The following TTC33 variants were observed in gnomAD, a reference collection of about 807,000 sequenced individuals.
TTC33 encodes tetratricopeptide repeat domain 33, also known as tetratricopeptide repeat protein 33.
A neutral mutation model predicts 29.4 loss-of-function variants in TTC33; 24 were observed. The observed-to-expected ratio is 0.82, with a 90% CI of 0.59 to 1.15. The LOEUF (loss-of-function observed/expected upper bound fraction) is 1.15, where lower values mean the gene tolerates loss of function less well. Among genes scored for constraint, TTC33 ranks in the 50% most tolerant of loss-of-function variants. TTC33 has a pLI of 0.00. For synonymous variants in TTC33, 107 were observed against 100.3 expected, an observed-to-expected ratio of 1.07 and a Z score of -0.40; for missense variants, 286 against 310.4, an observed-to-expected ratio of 0.92 and a Z score of 0.59.
chr5:40,729,648 C>T (rs536628696), intron 3 of TTC33, among the ~76,000 whole-genome samples: 76 of 152,136 alleles, frequency 5.0e-4, no homozygotes, highest in African/African-American at 1.7e-3. Flanking sequence ...ACAAGGAAAG[C>T]GTATGTTTTT....
At position 40,741,998 on chromosome 5, in the gene TTC33, G is replaced by A. The variant is rs1435159756; in HGVS notation, c.221+4800C>T. Among the ~76,000 whole-genome samples, 6 of 151,458 alleles carry A rather than the reference G, an allele frequency of 4.0e-5. No homozygotes were observed. In the East Asian group the frequency reaches 9.7e-4, roughly 25 times the overall value. On this transcript the variant is annotated intron_variant, in intron 2 of 4. Coordinates refer to ENST00000337702, the MANE Select transcript of TTC33 (RefSeq NM_012382.3). ...GAGCGAGACTCTGTCTCAAAAAAAA[G>A]AAAAAAAAGAAATTAAGGAAGCTTA... is the stretch of plus-strand genomic sequence containing the variant.
intron 4 of TTC33, among the ~76,000 whole-genome samples, chr5:40,726,160 T>C (rs1038364755): frequency 2.3e-4 from 34 of 148,170 alleles, no homozygotes; most frequent in Admixed American, 4.7e-4. Flanking sequence ...TATATATATA[T>C]ACACACACAC....
chr5:40,737,200 G>A lies in TTC33; in HGVS notation c.222-6857C>T, dbSNP rs1464994459. On this transcript the variant is annotated intron_variant, in intron 2 of 4. Coordinates refer to ENST00000337702, the MANE Select transcript of TTC33 (RefSeq NM_012382.3). ...TAGCCCCAGCTCCTCAGGAGGCTGA[G>A]GGACAAGAATCACTTGAACCTGGAA... Among the ~76,000 whole-genome samples, 3 of 152,176 alleles carry A rather than the reference G, an allele frequency of 2.0e-5. No individual in the cohort carries two copies. The East Asian group carries it at 5.8e-4, about 29-fold the overall frequency.
At chr5:40,742,185 T>C (rs1742708706) in intron 2 of TTC33, among the ~76,000 whole-genome samples, 1 of 152,114 alleles carries the variant, frequency 6.6e-6, no homozygotes, top group South Asian at 2.1e-4. Flanking sequence ...TGGCTGTCAG[T>C]AGAAATCCAT....
intron 2 of TTC33, among the ~76,000 whole-genome samples, chr5:40,744,071 G>A (rs1424929623): frequency 6.6e-6 from 1 of 152,188 alleles, no homozygotes; most frequent in African/African-American, 2.4e-5. Flanking sequence ...AAAAGTTAAT[G>A]AACTTTTAAC....
intron 2 of TTC33, among the ~76,000 whole-genome samples, chr5:40,740,153 GTTAT>G (rs1437868520): frequency 2.6e-5 from 4 of 151,662 alleles, no homozygotes; most frequent in African/African-American, 7.3e-5. Flanking sequence ...TGTTGCTGTT[GTTAT>G]TTAATGTCAA....
chr5:40,746,030 A>G (rs947927271), intron 2 of TTC33, among the ~76,000 whole-genome samples: 3 of 152,140 alleles, frequency 2.0e-5, no homozygotes, highest in Admixed American at 2.0e-4. Flanking sequence ...CAAATTTTTA[A>G]TCCCTCCAGG....
At chr5:40,729,767 C>T (rs913650767) in intron 3 of TTC33, among the ~76,000 whole-genome samples, 29 of 152,134 alleles carry the variant, frequency 1.9e-4, no homozygotes, top group African/African-American at 6.8e-4. Context: ...GGCACTATCT[C>T]AGCTCACTGC....
intron 2 of TTC33, among the ~76,000 whole-genome samples, chr5:40,738,516 A>AAAGTTAGCTGGGCTTGGTGGCAGATGCC (rs1742612206): frequency 1.3e-5 from 1 of 79,500 alleles, no homozygotes; most frequent in Non-Finnish European, 2.6e-5. Flanking sequence ...ATAAAATACA[A>AAAGTTAGCTGGGCTTGGTGGCAGATGCC]TAAAATAAAA....
rs534375567 is a variant in TTC33, at chr5:40,728,495, C to CA, written c.304-20dup. 4.2e-3 allele frequency: 6,633 copies of CA among 1,572,560 alleles called. 26 individuals are homozygous for CA. Among genetic ancestry groups the CA allele is most frequent in the Non-Finnish European group, 4.9e-3 (5,736 of 1,163,592 alleles). Reference sequence around the variant, plus strand: ...TTAGCACCTATAGGCAAAAAAAGACCAAAAAATCTGTCAGTAATATTCATA... The same window carrying CA: ...TTAGCACCTATAGGCAAAAAAAGACCAAAAAAATCTGTCAGTAATATTCATA... On this transcript the variant is annotated intron_variant, in intron 3 of 4. Coordinates refer to ENST00000337702, the MANE Select transcript of TTC33 (RefSeq NM_012382.3).
chr5:40,752,169 T>C (rs887345592), intron 1 of TTC33, among the ~76,000 whole-genome samples: 6 of 152,344 alleles, frequency 3.9e-5, no homozygotes, highest in Non-Finnish European at 8.8e-5. Context: ...ATTCACAGAA[T>C]TGAAGAGAGT....
chr5:40,727,351 T>A (rs963339291), intron 4 of TTC33, among the ~76,000 whole-genome samples: 3 of 152,164 alleles, frequency 2.0e-5, no homozygotes, highest in African/African-American at 7.2e-5. Flanking sequence ...CAAACACTTG[T>A]TAGGAAGTTA....
chr5:40,723,515 A>T (rs139425716), intron 4 of TTC33, among the ~76,000 whole-genome samples: 2 of 17,214 alleles, frequency 1.2e-4, no homozygotes, highest in East Asian at 9.7e-3. Context: ...CTCAAATTAA[A>T]AAAAAAAAAA....
chr5:40,747,057 T>C, intron 1 of TTC33, 38 bp from the exon 2 acceptor site: 1 of 1,560,472 alleles, frequency 6.4e-7, no homozygotes, highest in Non-Finnish European at 8.7e-7. Context: ...AAATTCTAAC[T>C]TGATCTTTTT....
intron 4 of TTC33, among the ~76,000 whole-genome samples, chr5:40,722,614 G>A (rs1742166834): frequency 6.6e-6 from 1 of 151,896 alleles, no homozygotes; most frequent in Non-Finnish European, 1.5e-5. Context: ...GAGAAGTGAG[G>A]AGCCCCTCCG....
Position 40,712,542 on chromosome 5 carries a change from C to T in TTC33, c.*3603G>A, listed in dbSNP as rs1561139823. ...ACCAGATATTGAACTTAGAATTAGACAGACCTGCTTACTAAGGCATGGGCA... is the reference window on the plus strand; with the variant it reads ...ACCAGATATTGAACTTAGAATTAGATAGACCTGCTTACTAAGGCATGGGCA... On this transcript the variant is annotated 3_prime_UTR_variant, in exon 5 of 5. Coordinates refer to ENST00000337702, the MANE Select transcript of TTC33 (RefSeq NM_012382.3). Among the ~76,000 whole-genome samples the T allele has an allele frequency of 6.6e-6, 1 of 152,176 alleles. No individual in the cohort carries two copies. The highest frequency in any genetic ancestry group is 2.1e-4 in the South Asian group (1 of 4,836).
intron 2 of TTC33, among the ~76,000 whole-genome samples, chr5:40,744,389 AAAAT>A (rs1742752980): frequency 3.3e-5 from 5 of 152,216 alleles, no homozygotes; most frequent in Admixed American, 3.3e-4. Flanking sequence ...ACCAGAATCA[AAAAT>A]AAAAACAGAC....
rs527955031 is a variant in TTC33, at chr5:40,716,859, TC to T, written c.436-362del. 1.7e-3 allele frequency among the ~76,000 whole-genome samples: 264 copies of T among 152,318 alleles called. 1 individual carries two copies. Among genetic ancestry groups the T allele is most frequent in the African/African-American group, 6.0e-3 (251 of 41,566 alleles). ...ATCACAAAGGTACCAGGAGTGGATATCTTTGAAGTTAACAGTTTAGATCCTA... is the reference window on the plus strand; with the variant it reads ...ATCACAAAGGTACCAGGAGTGGATATTTTGAAGTTAACAGTTTAGATCCTA... On this transcript the variant is annotated intron_variant, in intron 4 of 4. Transcript: ENST00000337702.
At chr5:40,729,496 T>A (rs1201332923) in intron 3 of TTC33, among the ~76,000 whole-genome samples, 1 of 152,224 alleles carries the variant, frequency 6.6e-6, no homozygotes, top group Non-Finnish European at 1.5e-5. Flanking sequence ...ACAAATGTTA[T>A]TTTTAAGCTA....
Sources: gnomAD v4.1 joint callset for allele counts (sites outside exome capture counted in the v4.1 genomes callset) on GRCh38, gnomAD v4.1.1 for gene constraint, MANE v1.5 for transcripts, NCBI Gene and HGNC (gene_info 2026-07-23, HGNC 2026-07-21) for gene names.